The following EPHA6 variants were observed in gnomAD, a reference collection of about 807,000 sequenced individuals.
EPHA6 encodes the protein EPH receptor A6.
Under a neutral mutation model 112.0 loss-of-function variants are expected in EPHA6, and 50 were observed. That is an observed-to-expected ratio of 0.45 (90% CI 0.36 to 0.56). The LOEUF (loss-of-function observed/expected upper bound fraction) is 0.56. Among genes scored for constraint, EPHA6 ranks in the 20% least tolerant of loss-of-function variants. The pLI is 0.00. For missense variants in EPHA6, 1,280 were observed against 1,417.4 expected (o/e 0.90, Z 1.56); for synonymous variants, 529 against 490.7 (o/e 1.08, Z -1.03).
chr3:97,337,658 T>G (rs966956976), intron 5 of EPHA6, among the ~76,000 whole-genome samples: 1 of 152,134 alleles, frequency 6.6e-6, no homozygotes, highest in African/African-American at 2.4e-5. Context: ...AGGAGGAAAC[T>G]TTAGGGATGC....
At chr3:97,276,747 G>T (rs1029759668) in intron 5 of EPHA6, among the ~76,000 whole-genome samples, 16 of 152,124 alleles carry the variant, frequency 1.1e-4, no homozygotes, top group African/African-American at 3.9e-4. Flanking sequence ...GCATCTCAGG[G>T]TTGCTGCCAA....
chr3:97,130,749 C>A (rs2048315432), intron 3 of EPHA6, among the ~76,000 whole-genome samples: 1 of 152,128 alleles, frequency 6.6e-6, no homozygotes, highest in African/African-American at 2.4e-5. Context: ...AATTTGATTA[C>A]ATAAAACTTC....
intron 2 of EPHA6, among the ~76,000 whole-genome samples, chr3:96,881,624 A>G (rs1200263814): frequency 6.6e-6 from 1 of 152,122 alleles, no homozygotes; most frequent in Non-Finnish European, 1.5e-5. Context: ...TCATGTCTTC[A>G]CACTTCAAAA....
intron 5 of EPHA6, among the ~76,000 whole-genome samples, chr3:97,393,229 G>A (rs935568206): frequency 2.0e-5 from 3 of 151,750 alleles, no homozygotes; most frequent in Admixed American, 1.3e-4. Flanking sequence ...TAATAATAAG[G>A]TCAGAAGAAT....
At chr3:97,255,374 A>G (rs1393920839) in intron 5 of EPHA6, among the ~76,000 whole-genome samples, 1 of 152,178 alleles carries the variant, frequency 6.6e-6, no homozygotes, top group Non-Finnish European at 1.5e-5. Flanking sequence ...CATTCAGCAA[A>G]GGGAAAAAGA....
At chr3:97,329,018 C>T (rs2082630833) in intron 5 of EPHA6, among the ~76,000 whole-genome samples, 1 of 152,014 alleles carries the variant, frequency 6.6e-6, no homozygotes. Context: ...TTCCTGTGTC[C>T]ATGTGTTCTC....
intron 3 of EPHA6, among the ~76,000 whole-genome samples, chr3:97,166,359 C>T (rs1185081538): frequency 1.3e-5 from 2 of 148,690 alleles, no homozygotes; most frequent in Non-Finnish European, 3.0e-5. Context: ...AAAGTATGTA[C>T]TTGTTTTTAA....
intron 3 of EPHA6, among the ~76,000 whole-genome samples, chr3:97,163,513 T>G (rs1015273031): frequency 6.6e-6 from 1 of 152,182 alleles, no homozygotes; most frequent in African/African-American, 2.4e-5. Context: ...TTTAGAAAAC[T>G]CAGTAGGTCT....
intron 14 of EPHA6, among the ~76,000 whole-genome samples, chr3:97,705,353 G>A (rs1274795586): frequency 6.6e-6 from 1 of 151,780 alleles, no homozygotes; most frequent in African/African-American, 2.4e-5. Flanking sequence ...ATTTTCTCTG[G>A]AAGGCTCTCC....
chr3:97,171,656 A>T (rs1408474709), intron 3 of EPHA6, among the ~76,000 whole-genome samples: 1 of 152,132 alleles, frequency 6.6e-6, no homozygotes, highest in Admixed American at 6.5e-5. Context: ...GAATTATAGC[A>T]AACTAGAGGA....
intron 11 of EPHA6, among the ~76,000 whole-genome samples, chr3:97,573,457 CTCTGGGCAGTTTACA>C (rs1261891291): frequency 2.6e-5 from 4 of 152,100 alleles, no homozygotes. Flanking sequence ...TTATAGTCTA[CTCTGGGCAGTTTACA>C]TCTGGTATAC....
At position 97,738,319 on chromosome 3, in the gene EPHA6, C is replaced by G. The variant is rs538460185; in HGVS notation, c.3128+2201C>G. Among the ~76,000 whole-genome samples, 197 of 152,046 alleles carry G rather than the reference C, an allele frequency of 1.3e-3. 1 individual carries two copies. The highest frequency in any genetic ancestry group is 4.7e-3 in the African/African-American group (194 of 41,488). On this transcript the variant is annotated intron_variant, in intron 16 of 17. Coordinates refer to ENST00000389672, the MANE Select transcript of EPHA6 (RefSeq NM_001080448.3). ...GAGTCTGCATTAATGGAAGAGGATA[C>G]TGGCATCTATAAACTGAAATCCTTT...
chr3:96,870,701 A>G (rs545516070), intron 2 of EPHA6, among the ~76,000 whole-genome samples: 3 of 152,042 alleles, frequency 2.0e-5, no homozygotes, highest in Non-Finnish European at 4.4e-5. Context: ...AATGATTTTT[A>G]TTTTTATAAT....
chr3:97,583,070 T>C (rs934023928), intron 11 of EPHA6, among the ~76,000 whole-genome samples: 2 of 149,086 alleles, frequency 1.3e-5, no homozygotes, highest in African/African-American at 5.0e-5. Context: ...GTGCTAAAAG[T>C]GCAGACCTCA....
chr3:97,664,760 AC>A (rs1306296452), intron 14 of EPHA6, among the ~76,000 whole-genome samples: 2 of 152,204 alleles, frequency 1.3e-5, no homozygotes, highest in Admixed American at 6.5e-5. Flanking sequence ...AATCCAACTT[AC>A]AAGGGATGTG....
At chr3:97,289,840 A>T (rs1000866247) in intron 5 of EPHA6, among the ~76,000 whole-genome samples, 2 of 152,064 alleles carry the variant, frequency 1.3e-5, no homozygotes, top group African/African-American at 4.8e-5. Context: ...ACTGTAAATC[A>T]GATTGTGTTC....
chr3:97,213,070 G>A (rs1409077224), intron 3 of EPHA6, among the ~76,000 whole-genome samples: 1 of 152,172 alleles, frequency 6.6e-6, no homozygotes, highest in Non-Finnish European at 1.5e-5. Context: ...GAATCCACAT[G>A]TGTGCATTTG....
At chr3:97,114,494 C>T (rs1005464545) in intron 3 of EPHA6, among the ~76,000 whole-genome samples, 3 of 151,878 alleles carry the variant, frequency 2.0e-5, no homozygotes, top group Admixed American at 6.6e-5. Context: ...GTTATATAAT[C>T]GTCAGTGCTT....
At chr3:96,935,313 T>C (rs2040522304) in intron 2 of EPHA6, among the ~76,000 whole-genome samples, 1 of 151,760 alleles carries the variant, frequency 6.6e-6, no homozygotes, top group East Asian at 1.9e-4. Flanking sequence ...TTTGAACAAA[T>C]TAAGAATGAT....
Sources: gnomAD v4.1 joint callset for allele counts (sites outside exome capture counted in the v4.1 genomes callset) on GRCh38, gnomAD v4.1.1 for gene constraint, MANE v1.5 for transcripts, NCBI Gene and HGNC (gene_info 2026-07-23, HGNC 2026-07-21) for gene names.